GSK3B: variants seen among roughly 807,000 people sequenced by gnomAD.
GSK3B encodes glycogen synthase kinase 3 beta.
In GSK3B, 15 loss-of-function variants were observed where a neutral mutation model predicts 56.4. The observed-to-expected ratio is 0.27, with a 90% CI of 0.18 to 0.41. GSK3B has a LOEUF of 0.41. Ranked by LOEUF, GSK3B falls within the 10% of genes least tolerant of loss-of-function variation. The pLI, the probability that GSK3B is intolerant of heterozygous loss-of-function variation, is 1.00. For missense variants in GSK3B, 300 were observed against 513.4 expected, an observed-to-expected ratio of 0.58 and a Z score of 4.02; for synonymous variants, 181 against 188.9, an observed-to-expected ratio of 0.96 and a Z score of 0.34.
At chr3:119,947,384 A>T in intron 2 of GSK3B, 33 bp from the exon 3 acceptor site, 1 of 1,249,776 alleles carries the variant, frequency 8.0e-7, no homozygotes, top group Non-Finnish European at 1.2e-6. Context: ...TATATTTTTA[A>T]AGGATAACAG....
intron 9 of GSK3B, among the ~76,000 whole-genome samples, chr3:119,861,587 C>T (rs771930547): frequency 2.6e-5 from 4 of 151,936 alleles, no homozygotes; most frequent in Non-Finnish European, 4.4e-5. Context: ...CCCACCTCTT[C>T]CCTGGACATC....
intron 7 of GSK3B, among the ~76,000 whole-genome samples, chr3:119,881,626 T>C (rs540773836): frequency 1.5e-4 from 23 of 152,350 alleles, no homozygotes; most frequent in African/African-American, 5.3e-4. Context: ...AGTAAATGTA[T>C]CCATTTACTG....
intron 7 of GSK3B, among the ~76,000 whole-genome samples, chr3:119,896,577 T>C (rs928276715): frequency 6.6e-6 from 1 of 152,188 alleles, no homozygotes; most frequent in Non-Finnish European, 1.5e-5. Context: ...TATTGCTTTA[T>C]AAATATGAAA....
At chr3:119,852,768 G>A (rs2055956103) in intron 9 of GSK3B, among the ~76,000 whole-genome samples, 1 of 152,102 alleles carries the variant, frequency 6.6e-6, no homozygotes, top group Admixed American at 6.6e-5. Context: ...ACTTTTTGAT[G>A]GGGTTGATTT....
chr3:120,055,081 T>C (rs1008256455), intron 1 of GSK3B, among the ~76,000 whole-genome samples: 1 of 152,228 alleles, frequency 6.6e-6, no homozygotes, highest in Admixed American at 6.5e-5. Context: ...TTCTTAACGA[T>C]ATCTTGCCTA....
intron 8 of GSK3B, among the ~76,000 whole-genome samples, chr3:119,869,236 A>ACAAC (rs1553726301): frequency 6.7e-6 from 1 of 148,744 alleles, no homozygotes; most frequent in African/African-American, 2.6e-5. Context: ...AAAAAAAAAA[A>ACAAC]AAAAAAAAAA....
chr3:120,049,399 G>T (rs12630592), intron 1 of GSK3B, among the ~76,000 whole-genome samples: 79,879 of 152,026 alleles, frequency 0.53, 24,309 homozygotes, highest in African/African-American at 0.85. Flanking sequence ...CAACAAAAGC[G>T]GTAGAGGGTA....
intron 1 of GSK3B, among the ~76,000 whole-genome samples, chr3:120,046,069 G>A (rs2058099887): frequency 1.4e-5 from 2 of 143,390 alleles, no homozygotes; most frequent in Admixed American, 6.7e-5. Context: ...GTGGCCAGGG[G>A]ATGGGAGGAG....
At chr3:119,951,429 G>C (rs963414858) in intron 2 of GSK3B, among the ~76,000 whole-genome samples, 4 of 152,082 alleles carry the variant, frequency 2.6e-5, no homozygotes, top group African/African-American at 9.7e-5. Context: ...AAATTAGCCG[G>C]GCTTGGTGGC....
chr3:119,966,622 T>G (rs1576235128), intron 2 of GSK3B, among the ~76,000 whole-genome samples: 1 of 152,030 alleles, frequency 6.6e-6, no homozygotes, highest in African/African-American at 2.4e-5. Flanking sequence ...TGGCTGGGGG[T>G]TAACAACAAA....
rs2055629931 is a variant in GSK3B at position 119,833,095 on chromosome 3, G to A, written c.1196-6240C>T. ...TCAAGTCATAAACGCAGAATTTCTT[G>A]CCTTGATTCCTTGCTGTCTGCATCC... On this transcript the variant is annotated intron_variant, in intron 10 of 10. Coordinates refer to ENST00000264235, the MANE Select transcript of GSK3B (RefSeq NM_001146156.2). 6.9e-6 allele frequency: 3 copies of A among 436,628 alleles called. No homozygotes were observed. The South Asian group carries it at 2.9e-4, about 42-fold the overall frequency. The allele number at this position is 436,628 out of a possible 1,614,324, so 27.0% of individuals were successfully genotyped here. A position where few individuals can be genotyped will look rare whatever the true frequency, so the allele number is the denominator to read the frequency against.
chr3:119,888,188 C>T (rs964211967), intron 7 of GSK3B, among the ~76,000 whole-genome samples: 1 of 152,074 alleles, frequency 6.6e-6, no homozygotes. Context: ...TATGATATTT[C>T]CCCCTCATTA....
intron 7 of GSK3B, among the ~76,000 whole-genome samples, chr3:119,892,580 A>G (rs1420177156): frequency 1.3e-5 from 2 of 152,104 alleles, no homozygotes; most frequent in Admixed American, 1.3e-4. Context: ...CCCATCCATC[A>G]GTCTCTGAAG....
intron 7 of GSK3B, among the ~76,000 whole-genome samples, chr3:119,894,193 T>C (rs1021264936): frequency 8.5e-5 from 13 of 152,190 alleles, no homozygotes; most frequent in Non-Finnish European, 1.6e-4. Flanking sequence ...GAAATTTTAT[T>C]TGTTCCTTTT....
chr3:119,885,530 T>G (rs745556562), intron 7 of GSK3B, among the ~76,000 whole-genome samples: 14 of 152,078 alleles, frequency 9.2e-5, no homozygotes, highest in Admixed American at 6.6e-4. Flanking sequence ...AATGTCATTT[T>G]CCACAGAACT....
intron 10 of GSK3B, among the ~76,000 whole-genome samples, chr3:119,831,627 A>C (rs895479464): frequency 1.3e-5 from 2 of 151,796 alleles, no homozygotes; most frequent in Non-Finnish European, 2.9e-5. Flanking sequence ...ACTGCACTCC[A>C]GCCTGGGCAA....
chr3:120,025,215 G>C (rs2057912780), intron 1 of GSK3B, among the ~76,000 whole-genome samples: 1 of 152,098 alleles, frequency 6.6e-6, no homozygotes, highest in Non-Finnish European at 1.5e-5. Context: ...ATGGTGGTGG[G>C]TGCCTGTAAC....
chr3:119,878,940 G>A (rs964944373), intron 7 of GSK3B, among the ~76,000 whole-genome samples: 1 of 152,182 alleles, frequency 6.6e-6, no homozygotes, highest in Non-Finnish European at 1.5e-5. Context: ...GGGACACTAG[G>A]AAACTACTGG....
chr3:119,994,775 G>C (rs6773730), intron 2 of GSK3B, among the ~76,000 whole-genome samples: 1,765 of 152,168 alleles, frequency 0.012, 31 homozygotes, highest in African/African-American at 0.035. Context: ...ACTCTTCCTG[G>C]TATAGAAGAC....
Sources: gnomAD v4.1 joint callset for allele counts (sites outside exome capture counted in the v4.1 genomes callset) on GRCh38, gnomAD v4.1.1 for gene constraint, MANE v1.5 for transcripts, NCBI Gene and HGNC (gene_info 2026-07-23, HGNC 2026-07-21) for gene names.